ITPR2: variants seen among roughly 807,000 people sequenced by gnomAD.
ITPR2 encodes inositol 1,4,5-trisphosphate-gated calcium channel ITPR2.
A neutral mutation model predicts 317.1 loss-of-function variants in ITPR2; 207 were observed. The observed-to-expected ratio is 0.65, with a 90% CI of 0.58 to 0.73. The LOEUF (loss-of-function observed/expected upper bound fraction) is 0.73. ITPR2 is among the 30% of genes least tolerant of loss of function. The probability of loss-of-function intolerance (pLI) is 0.00; values close to 1 mark genes in which losing one functional copy is unlikely to be tolerated. For synonymous variants in ITPR2, 1,156 were observed against 1,149.1 expected (o/e 1.01, Z -0.12); for missense variants, 2,613 against 3,284.0 (o/e 0.80, Z 4.99).
At chr12:26,671,111 T>C (rs900859709) in intron 13 of ITPR2, among the ~76,000 whole-genome samples, 2 of 152,252 alleles carry the variant, frequency 1.3e-5, no homozygotes, top group Admixed American at 1.3e-4. Flanking sequence ...TGGAACCAAG[T>C]TGGAAAACAC....
chr12:26,416,098 G>A (rs1940712533), intron 50 of ITPR2, among the ~76,000 whole-genome samples: 1 of 151,882 alleles, frequency 6.6e-6, no homozygotes, highest in East Asian at 1.9e-4. Context: ...GTATAATGAG[G>A]AAAAAAACCT....
chr12:26,539,231 G>C (rs1676025725), intron 37 of ITPR2, among the ~76,000 whole-genome samples: 1 of 152,156 alleles, frequency 6.6e-6, no homozygotes, highest in South Asian at 2.1e-4. Context: ...ACACCATTGA[G>C]CAGTTCAGAA....
At chr12:26,591,551 C>T (rs550251012) in intron 32 of ITPR2, among the ~76,000 whole-genome samples, 154 of 152,156 alleles carry the variant, frequency 1.0e-3, no homozygotes, top group Admixed American at 1.7e-3. Flanking sequence ...TAAAAATAGC[C>T]GGGCGCAGAG....
chr12:26,427,908 C>T lies in ITPR2; in HGVS notation c.6945+5G>A. ...TAACAGTACAAAGCTAAGTAAAGTA[C>T]TTACATTAGCTGCACCAAGAAGTAT... On this transcript the variant is annotated splice_donor_5th_base_variant and intron_variant, in intron 49 of 56. Transcript: ENST00000381340. 2 of 1,547,504 alleles carry T rather than the reference C, an allele frequency of 1.3e-6. No individual in the cohort carries two copies. The highest frequency in any genetic ancestry group is 1.7e-6 in the Non-Finnish European group (2 of 1,148,330).
intron 5 of ITPR2, among the ~76,000 whole-genome samples, chr12:26,721,619 C>T (rs1262952108): frequency 6.6e-6 from 1 of 152,102 alleles, no homozygotes; most frequent in Non-Finnish European, 1.5e-5. Flanking sequence ...CGTCCATGTG[C>T]TAAGGACTAT....
intron 2 of ITPR2, among the ~76,000 whole-genome samples, chr12:26,757,136 A>G (rs34377630): frequency 0.2 from 30,980 of 152,126 alleles, 3,804 homozygotes; most frequent in Non-Finnish European, 0.28. Context: ...CATATTATCA[A>G]GAAATAACCA....
At chr12:26,655,613 CAAAAAAA>C in intron 20 of ITPR2, 88 bp downstream of exon 20, 20 of 635,344 alleles carry the variant, frequency 3.1e-5, no homozygotes, top group Non-Finnish European at 3.8e-5. Flanking sequence ...GACTCTGTCT[CAAAAAAA>C]AAAAAAAAAA....
chr12:26,417,788 G>GTTGA (rs10640452), intron 50 of ITPR2, among the ~76,000 whole-genome samples: 37,981 of 151,910 alleles, frequency 0.25, 4,755 homozygotes, highest in East Asian at 0.4. Context: ...AAACAAGAAA[G>GTTGA]TTGAGCACAA....
chr12:26,400,323 TA>T, intron 52 of ITPR2, 65 bp from the exon 53 acceptor site: 1 of 905,426 alleles, frequency 1.1e-6, no homozygotes, highest in Non-Finnish European at 1.5e-6. Context: ...AAAATACACA[TA>T]AAATGAAATA....
At chr12:26,698,375 C>T (rs548867804) in intron 9 of ITPR2, among the ~76,000 whole-genome samples, 5 of 152,180 alleles carry the variant, frequency 3.3e-5, no homozygotes, top group Middle Eastern at 3.4e-3. Flanking sequence ...GAGTACTACT[C>T]GGCAATGAAC....
intron 45 of ITPR2, among the ~76,000 whole-genome samples, chr12:26,452,994 A>G: frequency 6.6e-6 from 1 of 152,196 alleles, no homozygotes; most frequent in East Asian, 1.9e-4. Flanking sequence ...ATATTAGTTT[A>G]TGAATTAATT....
chr12:26,510,576 T>C (rs570083657), intron 37 of ITPR2, among the ~76,000 whole-genome samples: 1 of 152,236 alleles, frequency 6.6e-6, no homozygotes, highest in Non-Finnish European at 1.5e-5. Flanking sequence ...GGTCGCAGAA[T>C]GCCAAAGACA....
rs1378930878 is a variant in ITPR2 at position 26,589,849 on chromosome 12, T to TACACAC, written c.4380+5615_4380+5616insGTGTGT. ...ATAAATAAACATATATATATATATA[T>TACACAC]ATATACACACACACACACACACACA... On this transcript the variant is annotated intron_variant, in intron 32 of 56. Transcript: ENST00000381340. 1.1e-3 allele frequency among the ~76,000 whole-genome samples: 42 copies of TACACAC among 39,850 alleles called. 2 individuals carry two copies. The highest frequency in any genetic ancestry group is 6.5e-3 in the South Asian group (6 of 920). The allele number at this position is 39,850 out of a possible 152,430, so 26.1% of individuals were successfully genotyped here.
At chr12:26,411,113 A>G (rs1045610479) in intron 52 of ITPR2, 21 of 510,992 alleles carry the variant, frequency 4.1e-5, no homozygotes, top group African/African-American at 3.9e-4. Context: ...CTGAATAGAA[A>G]CAATATAACG....
chr12:26,570,152 G>A (rs1945121837), intron 34 of ITPR2, among the ~76,000 whole-genome samples: 1 of 152,170 alleles, frequency 6.6e-6, no homozygotes, highest in South Asian at 2.1e-4. Flanking sequence ...AACAGGTAGG[G>A]GACTTACTTT....
intron 21 of ITPR2, among the ~76,000 whole-genome samples, chr12:26,637,500 T>C (rs1366076334): frequency 6.6e-6 from 1 of 152,188 alleles, no homozygotes; most frequent in Non-Finnish European, 1.5e-5. Flanking sequence ...GTGATATTTG[T>C]CAAATCATGT....
intron 9 of ITPR2, among the ~76,000 whole-genome samples, chr12:26,710,441 T>A (rs1457158413): frequency 6.6e-6 from 1 of 152,158 alleles, no homozygotes; most frequent in African/African-American, 2.4e-5. Flanking sequence ...AATCTCCTTC[T>A]CCCCATCCTC....
At chr12:26,716,654 A>G (rs1948744924) in intron 5 of ITPR2, among the ~76,000 whole-genome samples, 1 of 152,146 alleles carries the variant, frequency 6.6e-6, no homozygotes, top group Admixed American at 6.6e-5. Context: ...CAAGCAGAAA[A>G]TGTTATACAC....
chr12:26,620,124 A>G (rs574261000), intron 26 of ITPR2, among the ~76,000 whole-genome samples: 1 of 152,298 alleles, frequency 6.6e-6, no homozygotes, highest in South Asian at 2.1e-4. Flanking sequence ...CTATAGCTGA[A>G]GTTCTAAATT....
Sources: gnomAD v4.1 joint callset for allele counts (sites outside exome capture counted in the v4.1 genomes callset) on GRCh38, gnomAD v4.1.1 for gene constraint, MANE v1.5 for transcripts, NCBI Gene and HGNC (gene_info 2026-07-23, HGNC 2026-07-21) for gene names.